IPO7: variants seen among roughly 807,000 people sequenced by gnomAD.
IPO7 encodes the protein importin 7, also known as importin-7.
IPO7 carries 13 observed loss-of-function variants against 136.4 expected under a neutral mutation model. That is an observed-to-expected ratio of 0.10 (90% CI 0.06 to 0.15). IPO7 has a LOEUF of 0.15. Ranked by LOEUF, IPO7 falls within the 10% of genes least tolerant of loss-of-function variation. The pLI, the probability that IPO7 is intolerant of heterozygous loss-of-function variation, is 1.00. For missense variants in IPO7, 857 were observed against 1,240.6 expected (o/e 0.69, Z 4.65); for synonymous variants, 403 against 404.4 (o/e 1.00, Z 0.04).
chr11:9,437,280 C>T (rs531561818), intron 20 of IPO7, among the ~76,000 whole-genome samples: 5 of 151,616 alleles, frequency 3.3e-5, no homozygotes, highest in East Asian at 3.9e-4. Context: ...TTTTTTGAGA[C>T]AGAGTCTCGC....
rs1166370550 is a variant in IPO7 at position 9,437,734 on chromosome 11, C to T, written c.2269-20C>T. 1 of 1,532,716 alleles carries T rather than the reference C, an allele frequency of 6.5e-7. No homozygotes were observed. The highest frequency in any genetic ancestry group is 9.0e-7 in the Non-Finnish European group (1 of 1,109,670). 94.9% of individuals were successfully genotyped at this position (1,532,716 alleles called of 1,614,324 possible). Reference sequence around the variant, plus strand: ...GCTATTAATTATAGTCTTAGAATATCTTGCTATCTTTTTTTGTAGTGCATT... The same window carrying T: ...GCTATTAATTATAGTCTTAGAATATTTTGCTATCTTTTTTTGTAGTGCATT... On this transcript the variant is annotated intron_variant, in intron 20 of 24. Transcript: ENST00000379719.
intron 6 of IPO7, among the ~76,000 whole-genome samples, chr11:9,419,500 A>G (rs1378828521): frequency 1.4e-5 from 2 of 146,990 alleles, no homozygotes; most frequent in East Asian, 4.0e-4. Flanking sequence ...GTGAGCCGAG[A>G]TTGTGCCACT....
At chr11:9,385,399 C>T (rs943343918) in intron 1 of IPO7, among the ~76,000 whole-genome samples, 13 of 152,318 alleles carry the variant, frequency 8.5e-5, no homozygotes, top group East Asian at 1.9e-4. Flanking sequence ...CTTTCAAAGG[C>T]AAGCCCGCGC....
chr11:9,414,334 C>A lies in IPO7; in HGVS notation c.559C>A (p.Gln187Lys). The A allele has an allele frequency of 6.2e-7, 1 of 1,612,542 alleles. No individual in the cohort carries two copies. Among genetic ancestry groups the A allele is most frequent in the Non-Finnish European group, 8.5e-7 (1 of 1,178,664 alleles). ...GCCAGTTCTAAAGGATCGTTTTATC[C>A]AGCTTCTTTCTGACCAGTCTGATCA... Reference protein sequence around the residue: ...FLPVLKDRFIQLLSDQSDQSV... With the variant: ...FLPVLKDRFIKLLSDQSDQSV... The change falls in exon 5 of 25, where the codon CAG becomes AAG. Residue 187 changes from glutamine to lysine, a missense_variant. Gln to Lys is a moderately conservative substitution (Grantham distance 53, BLOSUM62 1). Around this residue, in one of 11 missense-constraint regions of IPO7, gnomAD observed 287 missense variants for 307.5 expected, o/e 0.93. Coordinates refer to ENST00000379719, the MANE Select transcript of IPO7 (RefSeq NM_006391.3).
chr11:9,403,851 AGT>A (rs766041095), intron 2 of IPO7, among the ~76,000 whole-genome samples: 1 of 152,152 alleles, frequency 6.6e-6, no homozygotes, highest in African/African-American at 2.4e-5. Context: ...AAAATAATGT[AGT>A]GTACATTTTT....
At chr11:9,402,257 G>A (rs894590250) in intron 1 of IPO7, among the ~76,000 whole-genome samples, 7 of 150,718 alleles carry the variant, frequency 4.6e-5, no homozygotes, top group East Asian at 3.9e-4. Flanking sequence ...AAAATTAGCC[G>A]GGCATGGTGG....
chr11:9,408,714 T>G lies in IPO7; in HGVS notation c.320+75T>G, dbSNP rs1216264189. On this transcript the variant is annotated intron_variant, in intron 3 of 24. Transcript: ENST00000379719. ...GTTTTTTGTTTTTTGGTTTTTTTTT[T>G]TTTTTTTTTTTTTTTTGAGATGGAC... The G allele has an allele frequency of 8.9e-6, 9 of 1,007,924 alleles. No homozygotes were observed. The East Asian group carries it at 1.5e-4, about 16-fold the overall frequency. The allele number at this position is 1,007,924 out of a possible 1,614,324, so 62.4% of individuals were successfully genotyped here.
chr11:9,416,905 C>T (rs1855049073), intron 5 of IPO7, among the ~76,000 whole-genome samples, 154 bp from the exon 6 acceptor site: 1 of 152,142 alleles, frequency 6.6e-6, no homozygotes, highest in African/African-American at 2.4e-5. Context: ...CACTGTTTAC[C>T]ATTATAGATA....
intron 1 of IPO7, among the ~76,000 whole-genome samples, chr11:9,398,348 AAT>A (rs1264883981): frequency 1.3e-5 from 2 of 152,238 alleles, no homozygotes; most frequent in African/African-American, 2.4e-5. Context: ...ATAGTAAACA[AAT>A]ATGTAATAAG....
chr11:9,437,683 A>G, intron 20 of IPO7, 71 bp from the exon 21 acceptor site: 2 of 1,123,558 alleles, frequency 1.8e-6, no homozygotes, highest in Non-Finnish European at 2.6e-6. Context: ...GCAACAAAGA[A>G]GTTAATATTT....
In IPO7 at chr11:9,424,940, A is replaced by G; in HGVS notation, c.1168A>G (p.Thr390Ala). ...TGTGTTTGAAGATTTCATTTCTCCT[A>G]CCACTGCTGCCCAGACACTTTTGTT... ...FDVFEDFISP[T>A]TAAQTLLFTA... Residue 390 changes from threonine to alanine, a missense_variant, in exon 11 of 25, where the codon ACC becomes GCC. This residue lies in a region of IPO7 where 127 missense variants were observed against 222.4 expected (regional missense o/e 0.57). Transcript: ENST00000379719. 1.3e-6 allele frequency: 2 copies of G among 1,591,650 alleles called. No homozygotes were observed. The highest frequency in any genetic ancestry group is 1.7e-6 in the Non-Finnish European group (2 of 1,170,470).
At chr11:9,392,839 C>T (rs1023871504) in intron 1 of IPO7, among the ~76,000 whole-genome samples, 2 of 151,316 alleles carry the variant, frequency 1.3e-5, no homozygotes, top group Non-Finnish European at 2.9e-5. Flanking sequence ...ATCCCAGCTA[C>T]TCAGGAGGCT....
In IPO7 at chr11:9,442,159, A is replaced by T. The variant is rs1855467701; in HGVS notation, c.2981A>T (p.Asp994Val). 1 of 1,603,962 alleles carries T rather than the reference A, an allele frequency of 6.2e-7. No individual in the cohort carries two copies. Among genetic ancestry groups the T allele is most frequent in the Non-Finnish European group, 8.5e-7 (1 of 1,170,884 alleles). Residue 994 changes from aspartate to valine, a missense_variant, in exon 24 of 25, where the codon GAC (aspartate) becomes GTC (valine). By Grantham distance (152) the Asp-to-Val change is radical (BLOSUM62 -3). Transcript: ENST00000379719. ...LNEEQRKQLQ[D>V]IATLADQRRA... Reference sequence around the variant, plus strand: ...GAAGAACAAAGAAAACAGTTACAGGACATAGCAACTCTGGCTGATCAAAGA... The same window carrying T: ...GAAGAACAAAGAAAACAGTTACAGGTCATAGCAACTCTGGCTGATCAAAGA...
At chr11:9,422,871 A>G (rs913640852) in intron 8 of IPO7, 135 bp from the exon 9 acceptor site, 5 of 472,026 alleles carry the variant, frequency 1.1e-5, no homozygotes, top group African/African-American at 9.8e-5. Flanking sequence ...GAGTTAAATT[A>G]TTTTTCAAAG....
At chr11:9,409,266 C>G (rs1453672338) in intron 3 of IPO7, among the ~76,000 whole-genome samples, 4 of 151,604 alleles carry the variant, frequency 2.6e-5, no homozygotes, top group African/African-American at 4.8e-5. Flanking sequence ...GCACCAGCAT[C>G]CCTGGCTAAT....
intron 8 of IPO7, among the ~76,000 whole-genome samples, chr11:9,421,200 A>G (rs889446112): frequency 7.3e-5 from 11 of 151,032 alleles, no homozygotes; most frequent in African/African-American, 2.7e-4. Context: ...ACCTCAGGTG[A>G]TCCGCCTGCC....
At chr11:9,419,902 G>A (rs1855103104) in intron 6 of IPO7, among the ~76,000 whole-genome samples, 1 of 152,090 alleles carries the variant, frequency 6.6e-6, no homozygotes, top group Admixed American at 6.5e-5. Flanking sequence ...TGGCTAAAAT[G>A]TTTGGCTTTA....
intron 23 of IPO7, among the ~76,000 whole-genome samples, chr11:9,441,448 T>G (rs963733956): frequency 1.1e-4 from 16 of 152,350 alleles, no homozygotes; most frequent in Admixed American, 1.0e-3. Context: ...CTGTTATATA[T>G]CATTTCCTAT....
At chr11:9,437,725 T>G (rs1181390015) in intron 20 of IPO7, 29 bp from the exon 21 acceptor site, 22 of 1,483,102 alleles carry the variant, frequency 1.5e-5, no homozygotes, top group Non-Finnish European at 2.0e-5. Flanking sequence ...AATTATAGTC[T>G]TAGAATATCT....
Sources: allele counts gnomAD v4.1 joint callset (sites outside exome capture counted in the v4.1 genomes callset), GRCh38; gene constraint gnomAD v4.1.1; regional missense constraint gnomAD v4.1.1; transcripts MANE v1.5; gene names NCBI Gene and HGNC (gene_info 2026-07-23, HGNC 2026-07-21).